Variants in PSD3 observed in about 807,000 individuals in gnomAD.
PSD3 encodes the protein PH and SEC7 domain-containing protein 3.
A neutral mutation model predicts 105.5 loss-of-function variants in PSD3; 49 were observed. The observed-to-expected ratio is 0.46, with a 90% CI of 0.37 to 0.59. The LOEUF is 0.59. PSD3 is among the 20% of genes least tolerant of loss of function. The pLI is 0.00. For missense variants in PSD3, 1,561 were observed against 1,263.8 expected (o/e 1.24, Z -3.57); for synonymous variants, 557 against 457.8 (o/e 1.22, Z -2.77).
rs1186308802 is a variant in PSD3, at chr8:18,933,408, C to CA, written c.130+2625dup. 3.3e-5 allele frequency among the ~76,000 whole-genome samples: 5 copies of CA among 151,608 alleles called. No individual in the cohort carries two copies. The South Asian group carries it at 6.2e-4, about 19-fold the overall frequency. ...AGCCAAAAAAAAAAAGCTTAATTAG[C>CA]AAAAAAATCACAGTGTCACATTCAA... On this transcript the variant is annotated intron_variant, in intron 2 of 15. Coordinates refer to ENST00000327040, the MANE Select transcript of PSD3 (RefSeq NM_015310.4).
chr8:18,775,022 C>T, intron 8 of PSD3: 3 of 454,402 alleles, frequency 6.6e-6, no homozygotes, highest in South Asian at 1.6e-5. Flanking sequence ...GCCCCTCCTC[C>T]TCCTACCTTC....
intron 12 of PSD3, among the ~76,000 whole-genome samples, chr8:18,599,832 G>C (rs1225081875): frequency 6.6e-6 from 1 of 152,112 alleles, no homozygotes; most frequent in Non-Finnish European, 1.5e-5. Flanking sequence ...AATCTGTTGT[G>C]TGCATGGAGG....
Position 18,999,556 on chromosome 8 carries a change from A to C in PSD3, c.21+14007T>G, listed in dbSNP as rs1032869417. 7.8e-4 allele frequency among the ~76,000 whole-genome samples: 12 copies of C among 15,336 alleles called. No homozygotes were observed. The East Asian group carries it at 0.15, about 186-fold the overall frequency. 10.1% of individuals were successfully genotyped at this position (15,336 alleles called of 152,430 possible). ...ATGTAAAACAAACATAAGCATAATG[A>C]GAGAGAGAGGTGTATTGCTAAATGG... On this transcript the variant is annotated intron_variant, in intron 1 of 15. Transcript: ENST00000327040.
chr8:18,944,167 C>T (rs1400530000), intron 1 of PSD3, among the ~76,000 whole-genome samples: 1 of 152,194 alleles, frequency 6.6e-6, no homozygotes, highest in Non-Finnish European at 1.5e-5. Context: ...GGCTGTTCTT[C>T]TCTTTGCACC....
intron 2 of PSD3, among the ~76,000 whole-genome samples, chr8:18,922,198 C>A (rs1303748132): frequency 6.6e-6 from 1 of 152,144 alleles, no homozygotes; most frequent in East Asian, 1.9e-4. Context: ...ACGGTTTGTT[C>A]AGGGATTCTG....
At chr8:18,593,604 C>G (rs1348656550) in intron 12 of PSD3, among the ~76,000 whole-genome samples, 1 of 152,058 alleles carries the variant, frequency 6.6e-6, no homozygotes, top group Non-Finnish European at 1.5e-5. Flanking sequence ...TACCATTTGA[C>G]CCAGCCATCC....
intron 2 of PSD3, among the ~76,000 whole-genome samples, chr8:18,918,433 A>T (rs1471429821): frequency 1.3e-5 from 2 of 152,204 alleles, no homozygotes; most frequent in Non-Finnish European, 2.9e-5. Flanking sequence ...CCTGTGTCAG[A>T]ATCATGTTAT....
intron 2 of PSD3, among the ~76,000 whole-genome samples, chr8:18,909,747 G>T (rs1194122210): frequency 6.6e-6 from 1 of 152,186 alleles, no homozygotes; most frequent in Non-Finnish European, 1.5e-5. Flanking sequence ...GCCTCCCAAA[G>T]TGCTGGGATT....
At chr8:18,562,755 G>C (rs1478410374) in intron 14 of PSD3, among the ~76,000 whole-genome samples, 3 of 152,096 alleles carry the variant, frequency 2.0e-5, no homozygotes, top group African/African-American at 7.2e-5. Context: ...CGGGTGTGGT[G>C]GCATGCGCCT....
At chr8:18,926,399 T>C (rs1362658904) in intron 2 of PSD3, among the ~76,000 whole-genome samples, 1 of 151,864 alleles carries the variant, frequency 6.6e-6, no homozygotes, top group Non-Finnish European at 1.5e-5. Flanking sequence ...AGATATCTCA[T>C]TATGTATATG....
At chr8:18,643,412 G>T (rs145070783) in intron 10 of PSD3, among the ~76,000 whole-genome samples, 1 of 152,224 alleles carries the variant, frequency 6.6e-6, no homozygotes, top group African/African-American at 2.4e-5. Context: ...ACTCTTTCTA[G>T]CACCAACTCA....
chr8:18,531,641 C>T lies in PSD3; in HGVS notation c.*4102G>A, dbSNP rs1236689409. 3 of 152,212 alleles carry T rather than the reference C, an allele frequency of 2.0e-5. No individual in the cohort carries two copies. Among genetic ancestry groups the T allele is most frequent in the Non-Finnish European group, 2.9e-5 (2 of 68,060 alleles). 9.4% of individuals were successfully genotyped at this position (152,212 alleles called of 1,614,324 possible). A position where few individuals can be genotyped will look rare whatever the true frequency, so the allele number is the denominator to read the frequency against. ...TGGAGCAAGGTAGGAGGCCCAGAGG[C>T]GCATCTGCCTGCAAAGCTGACTTAC... On this transcript the variant is annotated 3_prime_UTR_variant, in exon 16 of 16. Coordinates refer to ENST00000327040, the MANE Select transcript of PSD3 (RefSeq NM_015310.4).
chr8:18,669,256 C>T (rs1027452071), intron 9 of PSD3, among the ~76,000 whole-genome samples: 1 of 152,160 alleles, frequency 6.6e-6, no homozygotes, highest in Admixed American at 6.5e-5. Flanking sequence ...AGTAGTCTCC[C>T]GATCCTTGGG....
chr8:18,818,593 G>C (rs1012270751), intron 4 of PSD3, among the ~76,000 whole-genome samples: 2 of 151,864 alleles, frequency 1.3e-5, no homozygotes, highest in African/African-American at 4.8e-5. Context: ...TCAGTTATTG[G>C]GCACAAGACA....
chr8:18,950,731 T>TAAATATGAATATATGATATA (rs1276165003), intron 1 of PSD3, among the ~76,000 whole-genome samples: 2 of 152,178 alleles, frequency 1.3e-5, no homozygotes, highest in Non-Finnish European at 2.9e-5. Context: ...AATTCATATA[T>TAAATATGAATATATGATATA]TTATATATAC....
chr8:18,920,013 A>T (rs564316414), intron 2 of PSD3, among the ~76,000 whole-genome samples: 106 of 144,954 alleles, frequency 7.3e-4, no homozygotes, highest in Middle Eastern at 3.5e-3. Flanking sequence ...AAAAATAAAT[A>T]AATTAAAAAA....
In PSD3 at chr8:18,796,166, C is replaced by T. The variant is rs1338772576; in HGVS notation, c.2082+3129G>A. 3.1e-5 allele frequency among the ~76,000 whole-genome samples: 4 copies of T among 129,852 alleles called. No individual in the cohort carries two copies. The East Asian group carries it at 5.8e-4, about 19-fold the overall frequency. 85.2% of individuals were successfully genotyped at this position (129,852 alleles called of 152,430 possible). A position where few individuals can be genotyped will look rare whatever the true frequency, so the allele number is the denominator to read the frequency against. On this transcript the variant is annotated intron_variant, in intron 8 of 15. Coordinates refer to ENST00000327040, the MANE Select transcript of PSD3 (RefSeq NM_015310.4). Reference sequence around the variant, plus strand: ...TTTTTTTAAAAGCAGGTACTGAATTCTCCCCCCAAATATTGTATATACTTC... The same window carrying T: ...TTTTTTTAAAAGCAGGTACTGAATTTTCCCCCCAAATATTGTATATACTTC...
At chr8:18,733,261 G>T (rs893903695) in intron 9 of PSD3, 1 of 152,116 alleles carries the variant, frequency 6.6e-6, no homozygotes, top group South Asian at 2.1e-4. Flanking sequence ...TTTAAAAAAT[G>T]AGAGGTTCTA....
chr8:18,865,160 T>G (rs1255429418), intron 4 of PSD3: 1 of 146,676 alleles, frequency 6.8e-6, no homozygotes, highest in Non-Finnish European at 1.5e-5. Context: ...CTACGGTATC[T>G]GTCACAAGAC....
Sources: gnomAD v4.1 joint callset for allele counts (sites outside exome capture counted in the v4.1 genomes callset) on GRCh38, gnomAD v4.1.1 for gene constraint, MANE v1.5 for transcripts, NCBI Gene and HGNC (gene_info 2026-07-23, HGNC 2026-07-21) for gene names.